The following KIF15 variants were observed in gnomAD, a reference collection of about 807,000 sequenced individuals.
The protein encoded by KIF15 is kinesin family member 15, also known as kinesin-like protein KIF15.
A neutral mutation model predicts 190.6 loss-of-function variants in KIF15; 140 were observed. That is an observed-to-expected ratio of 0.73 (90% CI 0.64 to 0.84). The LOEUF is 0.84. Ranked by LOEUF, KIF15 falls within the 40% of genes least tolerant of loss-of-function variation. The pLI is 0.00. For synonymous variants in KIF15, 528 were observed against 551.3 expected (o/e 0.96, Z 0.59); for missense variants, 1,372 against 1,584.4 (o/e 0.87, Z 2.28).
chr3:44,796,263 G>A (rs1706972906), intron 8 of KIF15, among the ~76,000 whole-genome samples: 1 of 152,174 alleles, frequency 6.6e-6, no homozygotes, highest in Non-Finnish European at 1.5e-5. Flanking sequence ...GGAGGCTGAG[G>A]TGGGAGGATC....
chr3:44,815,179 TA>T, intron 20 of KIF15, 103 bp downstream of exon 20: 1 of 1,015,644 alleles, frequency 9.8e-7, no homozygotes, highest in South Asian at 2.2e-5. Flanking sequence ...GTTAGACAAA[TA>T]AAAAAGATAA....
intron 6 of KIF15, among the ~76,000 whole-genome samples, chr3:44,858,917 C>G (rs1466722646): frequency 2.6e-5 from 4 of 152,204 alleles, no homozygotes; most frequent in Admixed American, 2.6e-4. Flanking sequence ...AGGGGGCCTC[C>G]AAGGCGATCG....
intron 20 of KIF15, among the ~76,000 whole-genome samples, chr3:44,822,737 G>A (rs894117695): frequency 2.0e-5 from 3 of 151,802 alleles, no homozygotes; most frequent in East Asian, 1.9e-4. Context: ...TTCTCTTCTC[G>A]CTTTATTTCA....
At position 44,786,397 on chromosome 3, in the gene KIF15, T is replaced by C. The variant is rs1559532719; in HGVS notation, c.462T>C (p.Ala154=). 1.9e-6 allele frequency: 3 copies of C among 1,604,006 alleles called. No homozygotes were observed. Among genetic ancestry groups the C allele is most frequent in the South Asian group, 1.1e-5 (1 of 90,026 alleles). Residue 154 remains alanine, a splice_region_variant and synonymous_variant, in exon 7 of 35, where the codon GCT becomes GCC. Transcript: ENST00000326047. ...TAAATGAGGCTTCTTTTTTACAGGCTGGAGCTGGAAAGAGTTTCCTTTGTA... is the reference window on the plus strand; with the variant it reads ...TAAATGAGGCTTCTTTTTTACAGGCCGGAGCTGGAAAGAGTTTCCTTTGTA... ...FSLIDREKEK[A]GAGKSFLCKC... is the part of the protein sequence containing the mutation.
chr3:44,820,440 T>C (rs1354454348), intron 20 of KIF15, among the ~76,000 whole-genome samples: 1 of 151,860 alleles, frequency 6.6e-6, no homozygotes, highest in Non-Finnish European at 1.5e-5. Flanking sequence ...GGAGGGAAGG[T>C]CAGCAGATAA....
chr3:44,865,007 G>A (rs1277074890), intron 6 of KIF15: 1 of 1,611,406 alleles, frequency 6.2e-7, no homozygotes. Flanking sequence ...ACCTGCTGAA[G>A]TTGAGTCCCT....
At chr3:44,841,983 G>C (rs1698632263) in intron 29 of KIF15, among the ~76,000 whole-genome samples, 1 of 152,342 alleles carries the variant, frequency 6.6e-6, no homozygotes, top group East Asian at 1.9e-4. Context: ...ATGAAGGTGA[G>C]AGCATGTTTC....
chr3:44,792,547 ATT>A (rs879474361), intron 7 of KIF15, among the ~76,000 whole-genome samples: 12 of 143,340 alleles, frequency 8.4e-5, no homozygotes, highest in Admixed American at 1.4e-4. Flanking sequence ...ACAGCTACGA[ATT>A]TTTTTTTTTT....
rs756019361 is a variant in KIF15 at position 44,814,987 on chromosome 3, A to G, written c.2460A>G (p.Glu820=). The part of the protein sequence containing the change: ...ADKELSSVKL[E]YSSFKTNQEK... ...AGGAGCTTTCTTCAGTGAAATTGGA[A>G]TATAGTTCATTCAAAACGAATCAGG... The change falls in exon 20 of 35, where the codon GAA becomes GAG. Residue 820 remains glutamate, a synonymous_variant. Transcript: ENST00000326047. 3.7e-6 allele frequency: 6 copies of G among 1,613,542 alleles called. No homozygotes were observed. The South Asian group carries it at 6.6e-5, about 18-fold the overall frequency.
chr3:44,780,697 C>T (rs1706121635), intron 4 of KIF15, among the ~76,000 whole-genome samples, 188 bp from the exon 5 acceptor site: 1 of 152,126 alleles, frequency 6.6e-6, no homozygotes. Flanking sequence ...CAATTAACAG[C>T]AGTTAGCTCT....
chr3:44,794,884 C>A (rs1356393073), intron 8 of KIF15, among the ~76,000 whole-genome samples: 1 of 152,094 alleles, frequency 6.6e-6, no homozygotes, highest in Admixed American at 6.5e-5. Context: ...ATCACTTGAA[C>A]CTGGGAGGCC....
chr3:44,849,200 G>A (rs899536707), intron 32 of KIF15, among the ~76,000 whole-genome samples: 4 of 152,092 alleles, frequency 2.6e-5, no homozygotes, highest in Non-Finnish European at 5.9e-5. Flanking sequence ...CTGATTTAAA[G>A]GATTTTGAAA....
rs1370068796 is a variant in KIF15 at position 44,826,034 on chromosome 3, T to A, written c.2550-5T>A. On this transcript the variant is annotated splice_polypyrimidine_tract_variant and splice_region_variant and intron_variant, in intron 20 of 34. Coordinates refer to ENST00000326047, the MANE Select transcript of KIF15 (RefSeq NM_020242.3). ...TACCATTTTTAAAATGTTTTCCTTA[T>A]AAAGGTTAGAAAACGAAAAGCTGCT... 6.3e-7 allele frequency: 1 copy of A among 1,577,054 alleles called. No individual in the cohort carries two copies. The highest frequency in any genetic ancestry group is 1.4e-5 in the African/African-American group (1 of 72,510).
At chr3:44,826,289 G>A (rs1313263775) in intron 21 of KIF15, 86 bp from the exon 22 acceptor site, 3 of 1,555,704 alleles carry the variant, frequency 1.9e-6, no homozygotes, top group African/African-American at 1.4e-5. Flanking sequence ...CTTGCCCACA[G>A]TGCCTGCCAC....
At chr3:44,762,525 C>T (rs1705196037) in intron 1 of KIF15, among the ~76,000 whole-genome samples, 4 of 152,126 alleles carry the variant, frequency 2.6e-5, no homozygotes, top group Admixed American at 2.0e-4. Context: ...TGCCTGTGTA[C>T]GTGCTCCACT....
chr3:44,792,780 T>A (rs912941446), intron 7 of KIF15, among the ~76,000 whole-genome samples: 1 of 152,094 alleles, frequency 6.6e-6, no homozygotes, highest in South Asian at 2.1e-4. Flanking sequence ...TCTCCTGACC[T>A]CATGATCCAC....
At chr3:44,862,215 G>A (rs1699264211) in intron 6 of KIF15, 3 of 712,496 alleles carry the variant, frequency 4.2e-6, no homozygotes, top group South Asian at 6.3e-5. Flanking sequence ...GGCTCTTGGG[G>A]TGGGGCGGGG....
intron 7 of KIF15, among the ~76,000 whole-genome samples, chr3:44,789,348 G>C (rs1326362897): frequency 6.6e-6 from 1 of 151,488 alleles, no homozygotes; most frequent in Non-Finnish European, 1.5e-5. Flanking sequence ...AAATTCCAAA[G>C]CGTGTGAGGA....
At chr3:44,826,333 A>G (rs1697644231) in intron 21 of KIF15, 42 bp from the exon 22 acceptor site, 4 of 1,583,486 alleles carry the variant, frequency 2.5e-6, no homozygotes, top group Non-Finnish European at 3.5e-6. Flanking sequence ...TTGACTATGC[A>G]TTGCTAGTAA....
Sources: allele counts gnomAD v4.1 joint callset (sites outside exome capture counted in the v4.1 genomes callset), GRCh38; gene constraint gnomAD v4.1.1; transcripts MANE v1.5; gene names NCBI Gene and HGNC (gene_info 2026-07-23, HGNC 2026-07-21).